Variants in EHBP1L1 observed in about 807,000 individuals in gnomAD.
EHBP1L1 encodes the protein EH domain binding protein 1 like 1.
EHBP1L1 carries 122 observed loss-of-function variants against 151.1 expected under a neutral mutation model. The observed-to-expected ratio is 0.81, with a 90% confidence interval of 0.70 to 0.94. The LOEUF (loss-of-function observed/expected upper bound fraction) is 0.94, where lower values mean the gene tolerates loss of function less well. EHBP1L1 is among the 40% of genes least tolerant of loss of function. The pLI, the probability that EHBP1L1 is intolerant of heterozygous loss-of-function variation, is 0.00. For missense variants in EHBP1L1, 1,941 were observed against 1,959.8 expected, an observed-to-expected ratio of 0.99 and a Z score of 0.18; for synonymous variants, 878 against 810.1, an observed-to-expected ratio of 1.08 and a Z score of -1.42.
rs754884946 is a variant in EHBP1L1 at position 65,590,188 on chromosome 11, G to C, written c.4161G>C (p.Gln1387His). Residue 1387 changes from glutamine to histidine, a missense_variant, in exon 15 of 19, where the codon CAG becomes CAC. By Grantham distance (24) the Gln-to-His change is conservative. Coordinates refer to ENST00000309295, the MANE Select transcript of EHBP1L1 (RefSeq NM_001099409.3). ...IDGRAAEVEMQLRSLMESGAN... is the reference protein window; with the variant it reads ...IDGRAAEVEMHLRSLMESGAN... Reference sequence around the variant, plus strand: ...GGCGGGCGGCTGAGGTGGAGATGCAGCTGAGGAGCCTCATGGAGTCAGGTG... The same window carrying C: ...GGCGGGCGGCTGAGGTGGAGATGCACCTGAGGAGCCTCATGGAGTCAGGTG... 34 of 1,613,480 alleles carry C rather than the reference G, an allele frequency of 2.1e-5. No homozygotes were observed. The East Asian group carries it at 7.4e-4, about 35-fold the overall frequency.
Position 65,592,628 on chromosome 11 carries a change from T to G in EHBP1L1, c.*326T>G. The G allele has an allele frequency of 3.9e-6, 1 of 258,430 alleles. No homozygotes were observed. Among genetic ancestry groups the G allele is most frequent in the Non-Finnish European group, 7.5e-6 (1 of 133,084 alleles). 16.0% of individuals were successfully genotyped at this position (258,430 alleles called of 1,614,324 possible). A position where few individuals can be genotyped will look rare whatever the true frequency, so the allele number is the denominator to read the frequency against. ...CTTGCCCTCCTGTTCTCCAGAGCAA[T>G]AAAGTTGGACGAGACTACCCCAGCG... is the stretch of plus-strand genomic sequence containing the variant. On this transcript the variant is annotated 3_prime_UTR_variant, in exon 19 of 19. Coordinates refer to ENST00000309295, the MANE Select transcript of EHBP1L1 (RefSeq NM_001099409.3).
At chr11:65,591,618 CAG>C in intron 16 of EHBP1L1, 180 bp from the exon 17 acceptor site, 4 of 638,360 alleles carry the variant, frequency 6.3e-6, no homozygotes, top group Non-Finnish European at 1.1e-5. Context: ...TTGGAGAAAA[CAG>C]AAGAAAAGCG....
intron 12 of EHBP1L1, among the ~76,000 whole-genome samples, chr11:65,587,916 A>G (rs1858056686): frequency 6.6e-6 from 1 of 152,196 alleles, no homozygotes; most frequent in Non-Finnish European, 1.5e-5. Context: ...GAGTCAGTGC[A>G]CATAAAGTGC....
At chr11:65,577,123 G>A (rs1046205381) in intron 1 of EHBP1L1, among the ~76,000 whole-genome samples, 2 of 152,210 alleles carry the variant, frequency 1.3e-5, no homozygotes, top group Non-Finnish European at 2.9e-5. Flanking sequence ...GGGGCATCTC[G>A]TTCACATGCC....
chr11:65,584,018 A>G, intron 9 of EHBP1L1: 1 of 1,403,454 alleles, frequency 7.1e-7, no homozygotes, highest in South Asian at 1.7e-5. Context: ...GCTGCTGGTG[A>G]CCTCTGATCT....
rs1339355947 is a variant in EHBP1L1, at chr11:65,583,262, C to A, written c.2590C>A (p.Leu864Met). The A allele has an allele frequency of 6.2e-7, 1 of 1,613,364 alleles. No individual in the cohort carries two copies. Among genetic ancestry groups the A allele is most frequent in the Admixed American group, 1.7e-5 (1 of 60,000 alleles). ...PEAGMAEARV[L>M]MTRKTEIIVP... The stretch of plus-strand genomic sequence containing the variant: ...GGCTGGAATGGCAGAGGCCCGAGTA[C>A]TGATGACCCGTAAGACAGAAATTAT... Residue 864 changes from leucine to methionine, a missense_variant, in exon 9 of 19, where the codon CTG becomes ATG. By Grantham distance (15) the Leu-to-Met change is conservative. Transcript: ENST00000309295.
chr11:65,579,788 C>T (rs1248073030), intron 3 of EHBP1L1, 148 bp from the exon 4 acceptor site: 28 of 814,602 alleles, frequency 3.4e-5, no homozygotes, highest in Non-Finnish European at 5.3e-5. Context: ...GATCGCACCC[C>T]TGCACTCCAG....
rs745397068 is a variant in EHBP1L1 at position 65,590,523 on chromosome 11, TC to T, written c.4216del (p.Gln1406ArgfsTer36). On this transcript the variant is annotated frameshift_variant, in exon 16 of 19. Coordinates refer to ENST00000309295, the MANE Select transcript of EHBP1L1 (RefSeq NM_001099409.3). LOFTEE classifies it high-confidence loss of function. ...AACAAGCTGCAGGAGGAGGTGCTGA[TC>T]CAGGAGTGGTTCACCCTGGTCAACA... is the stretch of plus-strand genomic sequence containing the variant. ...GANKLQEEVLIQEWFTLVNKK... is the reference protein window; with the variant it reads ...GANKLQEEVLXQEWFTLVNKK... 6.2e-7 allele frequency: 1 copy of T among 1,613,534 alleles called. No homozygotes were observed. The highest frequency in any genetic ancestry group is 2.2e-5 in the East Asian group (1 of 44,880).
Position 65,579,070 on chromosome 11 carries a change from T to G in EHBP1L1, c.105-8T>G. 6.3e-7 allele frequency: 1 copy of G among 1,577,700 alleles called. No homozygotes were observed. Among genetic ancestry groups the G allele is most frequent in the Non-Finnish European group, 8.6e-7 (1 of 1,161,806 alleles). On this transcript the variant is annotated splice_polypyrimidine_tract_variant and splice_region_variant and intron_variant, in intron 1 of 18. Transcript: ENST00000309295. ...CTCCCTTTCTCCCTCCCCTTCCCCC[T>G]CCCCCAGGCAGCCAGATAAGCTGGT...
chr11:65,589,663 C>G (rs1858155813), intron 12 of EHBP1L1, 88 bp from the exon 13 acceptor site: 1 of 1,444,406 alleles, frequency 6.9e-7, no homozygotes, highest in African/African-American at 1.4e-5. Context: ...AGGACCCCTC[C>G]TCCCCTCTGT....
Position 65,581,902 on chromosome 11 carries a change from C to T in EHBP1L1, c.1230C>T (p.Val410=). The T allele has an allele frequency of 6.2e-7, 1 of 1,613,656 alleles. No individual in the cohort carries two copies. The highest frequency in any genetic ancestry group is 1.3e-5 in the African/African-American group (1 of 75,040). Residue 410 remains valine (V), a synonymous_variant, in exon 9 of 19, where the codon GTC becomes GTT. Coordinates refer to ENST00000309295, the MANE Select transcript of EHBP1L1 (RefSeq NM_001099409.3). ...GREANTKRSG[V]RAGEAEESSA... ...AGGCAAACACTAAGAGGTCAGGAGT[C>T]AGAGCTGGGGAGGCTGAAGAGAGTT...
At position 65,582,418 on chromosome 11, in the gene EHBP1L1, G is replaced by A; in HGVS notation, c.1746G>A (p.Leu582=). 1 of 1,610,806 alleles carries A rather than the reference G, an allele frequency of 6.2e-7. No individual in the cohort carries two copies. The highest frequency in any genetic ancestry group is 1.1e-5 in the South Asian group (1 of 90,916). Residue 582 remains leucine, a synonymous_variant, in exon 9 of 19, where the codon CTG becomes CTA. Transcript: ENST00000309295. ...CTGAGGTGGTAGGGTTGGAGGTGCT[G>A]GGAACCCAGGAGAAAGAAGTTGAGG... is the stretch of plus-strand genomic sequence containing the variant. ...TETEVVGLEV[L]GTQEKEVEGS...
chr11:65,579,418 C>T lies in EHBP1L1; in HGVS notation c.240C>T (p.Ile80=). ...VVWMVPENVD[I]SVTLYRDPHV... The stretch of plus-strand genomic sequence containing the variant: ...GGATGGTACCTGAGAATGTGGACAT[C>T]TCTGTGACCCTCTACAGGGTGAGTC... The change falls in exon 3 of 19, where the codon ATC becomes ATT. Residue 80 remains isoleucine (I), a synonymous_variant. Transcript: ENST00000309295. The T allele has an allele frequency of 6.4e-7, 1 of 1,553,844 alleles. No homozygotes were observed. Among genetic ancestry groups the T allele is most frequent in the South Asian group, 1.2e-5 (1 of 82,380 alleles).
At position 65,592,348 on chromosome 11, in the gene EHBP1L1, C is replaced by T; in HGVS notation, c.*46C>T. On this transcript the variant is annotated 3_prime_UTR_variant, in exon 19 of 19. Transcript: ENST00000309295. ...CATAACTTCTCGCGTCCCCGGCGTCCGCCGCCGCCCCGGGCCTGCGCTGCG... is the reference window on the plus strand; with the variant it reads ...CATAACTTCTCGCGTCCCCGGCGTCTGCCGCCGCCCCGGGCCTGCGCTGCG... The T allele has an allele frequency of 7.6e-7, 1 of 1,317,596 alleles. No homozygotes were observed. The highest frequency in any genetic ancestry group is 3.5e-5 in the East Asian group (1 of 28,984). The allele number at this position is 1,317,596 out of a possible 1,614,324, so 81.6% of individuals were successfully genotyped here. A position where few individuals can be genotyped will look rare whatever the true frequency, so the allele number is the denominator to read the frequency against.
intron 9 of EHBP1L1, 91 bp from the exon 10 acceptor site, chr11:65,584,150 G>T (rs964190264): frequency 6.5e-7 from 1 of 1,538,792 alleles, no homozygotes; most frequent in African/African-American, 1.4e-5. Flanking sequence ...CTCAGAGATG[G>T]GGCTGTTGTG....
At chr11:65,581,465 C>G in intron 8 of EHBP1L1, 74 bp from the exon 9 acceptor site, 1 of 1,424,124 alleles carries the variant, frequency 7.0e-7, no homozygotes. Flanking sequence ...CCCCAACAGT[C>G]TGAAGGGTGG....
intron 12 of EHBP1L1, among the ~76,000 whole-genome samples, chr11:65,588,680 C>G (rs1370964023): frequency 6.6e-6 from 1 of 152,212 alleles, no homozygotes; most frequent in Non-Finnish European, 1.5e-5. Context: ...GTTGAGGGGC[C>G]AGGCTATCAG....
At position 65,581,197 on chromosome 11, in the gene EHBP1L1, CTCTT is replaced by C. The variant is rs1220651152; in HGVS notation, c.704-9_704-6del. 3.7e-6 allele frequency: 6 copies of C among 1,609,072 alleles called. No homozygotes were observed. The highest frequency in any genetic ancestry group is 2.2e-5 in the South Asian group (2 of 90,812). On this transcript the variant is annotated splice_polypyrimidine_tract_variant and intron_variant, in intron 7 of 18. Transcript: ENST00000309295. Reference sequence around the variant, plus strand: ...ACTGGGCCCAGGCCACAGTGTCCCCCTCTTTCTTCTCAGTTGCCAGCCCTTCTAA... The same window carrying C: ...ACTGGGCCCAGGCCACAGTGTCCCCCTCTTCTCAGTTGCCAGCCCTTCTAA...
At chr11:65,579,504 G>A (rs966676163) in intron 3 of EHBP1L1, 68 bp downstream of exon 3, 3 of 1,287,110 alleles carry the variant, frequency 2.3e-6, no homozygotes, top group African/African-American at 3.0e-5. Context: ...TGCAACACAG[G>A]TCTCCTGGTA....
Sources: gnomAD v4.1 joint callset for allele counts (sites outside exome capture counted in the v4.1 genomes callset) on GRCh38, gnomAD v4.1.1 for gene constraint, MANE v1.5 for transcripts, NCBI Gene and HGNC (gene_info 2026-07-23, HGNC 2026-07-21) for gene names.